Variants in NBPF11 observed in about 807,000 individuals in gnomAD.
The protein encoded by NBPF11 is NBPF member 11.
Under a neutral mutation model 93.9 loss-of-function variants are expected in NBPF11, and 72 were observed. The observed-to-expected ratio is 0.77, with a 90% CI of 0.63 to 0.93. The LOEUF (loss-of-function observed/expected upper bound fraction) is 0.93, where lower values mean the gene tolerates loss of function less well. Ranked by LOEUF, NBPF11 falls within the 40% of genes least tolerant of loss-of-function variation. NBPF11 has a pLI of 0.00. For synonymous variants in NBPF11, 224 were observed against 304.9 expected, an observed-to-expected ratio of 0.73 and a Z score of 2.76; for missense variants, 705 against 802.2, an observed-to-expected ratio of 0.88 and a Z score of 1.46.
chr1:148,120,085 C>A lies in NBPF11; in HGVS notation c.988+416G>T, dbSNP rs1489154632. On this transcript the variant is annotated intron_variant, in intron 10 of 23. Coordinates refer to ENST00000682118, the MANE Select transcript of NBPF11 (RefSeq NM_001385469.3). ...TTCCCTCAGAGTCACTAGAACAGAG[C>A]TTTGTGTATTGGGCCTCAACAGAAA... Among the ~76,000 whole-genome samples, 15 of 151,226 alleles carry A rather than the reference C, an allele frequency of 9.9e-5. No individual in the cohort carries two copies. In the South Asian group the frequency reaches 1.5e-3, roughly 15 times the overall value.
intron 1 of NBPF11, chr1:148,146,322 C>A (rs1553276843): frequency 0.021 from 28,738 of 1,386,506 alleles, 406 homozygotes; most frequent in South Asian, 0.025. Context: ...CCCCACCCCT[C>A]CCCTGCCGGG....
At chr1:148,119,541 C>T (rs1667339804) in intron 10 of NBPF11, among the ~76,000 whole-genome samples, 1 of 151,830 alleles carries the variant, frequency 6.6e-6, no homozygotes, top group South Asian at 2.1e-4. Flanking sequence ...TGCACTGCTA[C>T]CTCCACACAT....
chr1:148,103,712 C>A lies in NBPF11; in HGVS notation c.*184G>T. On this transcript the variant is annotated 3_prime_UTR_variant, in exon 24 of 24. Coordinates refer to ENST00000682118, the MANE Select transcript of NBPF11 (RefSeq NM_001385469.3). ...TCCCATCTGGAAGACCAGGTGGAGA[C>A]TTCTCACCGTCAAAGTAAAAAACCT... 1 of 1,611,354 alleles carries A rather than the reference C, an allele frequency of 6.2e-7. No homozygotes were observed.
At chr1:148,117,127 A>T (rs1666754548) in intron 12 of NBPF11, among the ~76,000 whole-genome samples, 3 of 152,058 alleles carry the variant, frequency 2.0e-5, no homozygotes, top group African/African-American at 7.2e-5. Flanking sequence ...CCACATTTGA[A>T]TGCTTCAGAC....
At chr1:148,133,913 T>G (rs1300394513) in intron 4 of NBPF11, among the ~76,000 whole-genome samples, 1 of 150,990 alleles carries the variant, frequency 6.6e-6, no homozygotes, top group Non-Finnish European at 1.5e-5. Flanking sequence ...TCCCATCCAT[T>G]ACATCCCAGA....
intron 2 of NBPF11, among the ~76,000 whole-genome samples, chr1:148,141,232 T>C (rs1411791551): frequency 6.6e-6 from 1 of 152,004 alleles, no homozygotes; most frequent in African/African-American, 2.4e-5. Flanking sequence ...ATTTAGGACA[T>C]TACGTAATTG....
At chr1:148,120,036 G>A (rs1403505826) in intron 10 of NBPF11, among the ~76,000 whole-genome samples, 17 of 151,534 alleles carry the variant, frequency 1.1e-4, no homozygotes, top group South Asian at 2.1e-4. Context: ...CCCTCAGAGC[G>A]GGTACTGGCT....
intron 4 of NBPF11, among the ~76,000 whole-genome samples, chr1:148,132,144 GTATATA>G (rs1302793020): frequency 7.3e-6 from 1 of 137,628 alleles, no homozygotes; most frequent in African/African-American, 2.7e-5. Context: ...GTGTGTGTGT[GTATATA>G]TATATATATA....
At position 148,146,595 on chromosome 1, in the gene NBPF11, G is replaced by C. The variant is rs1431114663; in HGVS notation, c.-548-2909C>G. ...CCTCGGGCGCACCCGGGCGCTGGAA[G>C]CTGCACCTGACGGAGCGTGCCGACT... On this transcript the variant is annotated intron_variant, in intron 1 of 23. Transcript: ENST00000682118. 15 of 1,609,564 alleles carry C rather than the reference G, an allele frequency of 9.3e-6. No homozygotes were observed. The East Asian group carries it at 1.1e-4, about 12-fold the overall frequency.
Position 148,140,580 on chromosome 1 carries a change from C to CAA in NBPF11, c.-276-2773_-276-2772dup, listed in dbSNP as rs3053729. 2.1e-3 allele frequency among the ~76,000 whole-genome samples: 278 copies of CAA among 131,560 alleles called. 1 individual carries two copies. Among genetic ancestry groups the CAA allele is most frequent in the Non-Finnish European group, 3.1e-3 (187 of 61,260 alleles). The allele number at this position is 131,560 out of a possible 152,430, so 86.3% of individuals were successfully genotyped here. ...ATTCTGAGAACTAAACAACACAAAG[C>CAA]AAAAAAAAAAAAGGTGAAAGATCTG... On this transcript the variant is annotated intron_variant, in intron 2 of 23. Transcript: ENST00000682118.
chr1:148,122,555 C>A (rs1324505343), intron 8 of NBPF11, among the ~76,000 whole-genome samples, 174 bp downstream of exon 8: 20 of 152,050 alleles, frequency 1.3e-4, no homozygotes, highest in South Asian at 8.3e-4. Flanking sequence ...ACACTTGGCA[C>A]ACATAGAGAA....
At chr1:148,119,903 C>A (rs1266291971) in intron 10 of NBPF11, among the ~76,000 whole-genome samples, 3 of 152,114 alleles carry the variant, frequency 2.0e-5, no homozygotes, top group Non-Finnish European at 4.4e-5. Context: ...CTCTACCCGC[C>A]TCAGCCTCCC....
At position 148,103,683 on chromosome 1, in the gene NBPF11, T is replaced by G; in HGVS notation, c.*213A>C. 3 of 1,611,260 alleles carry G rather than the reference T, an allele frequency of 1.9e-6. No individual in the cohort carries two copies. Among genetic ancestry groups the G allele is most frequent in the Non-Finnish European group, 2.5e-6 (3 of 1,179,288 alleles). On this transcript the variant is annotated 3_prime_UTR_variant, in exon 24 of 24. Coordinates refer to ENST00000682118, the MANE Select transcript of NBPF11 (RefSeq NM_001385469.3). ...GTAAGGGCTGCTTATTGTGGGAATA[T>G]GACTCCCATCTGGAAGACCAGGTGG... is the stretch of plus-strand genomic sequence containing the variant.
chr1:148,127,084 A>G, intron 4 of NBPF11, 46 bp from the exon 5 acceptor site: 1 of 506,510 alleles, frequency 2.0e-6, no homozygotes, highest in Non-Finnish European at 3.3e-6. Flanking sequence ...AAACTGGTGA[A>G]ATCAAATAGG....
At chr1:148,148,979 G>A (rs1306184390) in intron 1 of NBPF11, among the ~76,000 whole-genome samples, 2 of 151,046 alleles carry the variant, frequency 1.3e-5, no homozygotes, top group African/African-American at 2.5e-5. Flanking sequence ...TTCGCCCACC[G>A]CCACGGTGTT....
Position 148,105,434 on chromosome 1 carries a change from T to C in NBPF11, c.2398A>G (p.Thr800Ala). The C allele has an allele frequency of 1.8e-6, 2 of 1,101,418 alleles. No homozygotes were observed. Among genetic ancestry groups the C allele is most frequent in the African/African-American group, 1.9e-5 (1 of 53,206 alleles). The allele number at this position is 1,101,418 out of a possible 1,614,324, so 68.2% of individuals were successfully genotyped here. A position where few individuals can be genotyped will look rare whatever the true frequency, so the allele number is the denominator to read the frequency against. ...GGAACTTCCGTAGGGCTGGCAGGAG[T>C]CAGGCTGTTCAAGACAACTGGAAGG... The part of the protein sequence containing the change: ...QLLPVVLNSL[T>A]PASPTEVPFM... Residue 800 changes from threonine to alanine, a missense_variant, in exon 22 of 24, where the codon ACT becomes GCT. Around this residue, in one of 12 missense-constraint regions of NBPF11, gnomAD observed 109 missense variants for 83.3 expected, o/e 1.31. Transcript: ENST00000682118.
At chr1:148,129,634 CAA>C (rs1669972259) in intron 4 of NBPF11, 1 of 176,392 alleles carries the variant, frequency 5.7e-6, no homozygotes, top group Non-Finnish European at 1.3e-5. Flanking sequence ...TCCTGGTTGG[CAA>C]AGACTGGTCA....
chr1:148,122,570 A>G (rs76289336), intron 8 of NBPF11, among the ~76,000 whole-genome samples, 159 bp downstream of exon 8: 45,871 of 151,666 alleles, frequency 0.3, 8,247 homozygotes, highest in African/African-American at 0.49. Flanking sequence ...AGAGAAACAC[A>G]ACAGCTGCCG....
At chr1:148,117,072 C>T (rs112477635) in intron 12 of NBPF11, among the ~76,000 whole-genome samples, 133 of 142,648 alleles carry the variant, frequency 9.3e-4, no homozygotes, top group South Asian at 2.8e-3. Context: ...CAACACCACA[C>T]GGAGAGGGGC....
Sources: gnomAD v4.1 joint callset for allele counts (sites outside exome capture counted in the v4.1 genomes callset) on GRCh38, gnomAD v4.1.1 for gene constraint, gnomAD v4.1.1 regional missense constraint, MANE v1.5 for transcripts, NCBI Gene and HGNC (gene_info 2026-07-23, HGNC 2026-07-21) for gene names.